The following PLXNA2 variants were observed in gnomAD, a reference collection of about 807,000 sequenced individuals.
PLXNA2 encodes plexin-A2.
PLXNA2 carries 91 observed loss-of-function variants against 193.5 expected under a neutral mutation model. The ratio of observed to expected loss-of-function variants is 0.47; its 90% confidence interval spans 0.40 to 0.56. PLXNA2 has a LOEUF of 0.56. Ranked by LOEUF, PLXNA2 falls within the 20% of genes least tolerant of loss-of-function variation. PLXNA2 has a pLI of 0.00. For synonymous variants in PLXNA2, 997 were observed against 1,027.3 expected (o/e 0.97, Z 0.56); for missense variants, 1,995 against 2,503.2 (o/e 0.80, Z 4.33).
At position 208,155,019 on chromosome 1, in the gene PLXNA2, A is replaced by G. The variant is rs1200960321; in HGVS notation, c.1372-12556T>C. ...AGGAGGAAAATTGGGCTGGGAGGAA[A>G]TTCTTCAGGGGGACATGGGGGAAAT... On this transcript the variant is annotated intron_variant, in intron 3 of 31. Transcript: ENST00000367033. Among the ~76,000 whole-genome samples the G allele has an allele frequency of 1.3e-5, 2 of 152,176 alleles. 1 individual carries two copies. The highest frequency in any genetic ancestry group is 4.8e-5 in the African/African-American group (2 of 41,436).
intron 11 of PLXNA2, among the ~76,000 whole-genome samples, chr1:208,081,178 C>A (rs1240507618): frequency 6.6e-6 from 1 of 152,166 alleles, no homozygotes; most frequent in Non-Finnish European, 1.5e-5. Context: ...GTAATTGTCT[C>A]CTATGTTTTA....
chr1:208,092,064 G>A (rs911028463), intron 9 of PLXNA2, among the ~76,000 whole-genome samples: 9 of 152,184 alleles, frequency 5.9e-5, no homozygotes, highest in African/African-American at 1.9e-4. Flanking sequence ...ACACAAGAAA[G>A]GGAGACTGAG....
chr1:208,032,037 A>G (rs536100935), intron 28 of PLXNA2: 436 of 984,944 alleles, frequency 4.4e-4, no homozygotes, highest in Non-Finnish European at 5.0e-4. Flanking sequence ...TGACAGGAAG[A>G]CAGGAAGTGC....
chr1:208,072,286 C>T (rs538539768), intron 12 of PLXNA2, among the ~76,000 whole-genome samples: 2 of 152,296 alleles, frequency 1.3e-5, no homozygotes, highest in South Asian at 4.1e-4. Context: ...ATTGGAGAAA[C>T]AGCTGTTAAA....
In PLXNA2 at chr1:208,103,248, C is replaced by T; in HGVS notation, c.1507-1G>A. 1 of 1,612,542 alleles carries T rather than the reference C, an allele frequency of 6.2e-7. No homozygotes were observed. Among genetic ancestry groups the T allele is most frequent in the Non-Finnish European group, 8.5e-7 (1 of 1,179,066 alleles). ...ATGACTCCACGGGGACCCTGGTGAC[C>T]TGGCAGAGAGAGCAAAGAGGGTACA... On this transcript the variant is annotated splice_acceptor_variant, in intron 4 of 31. Transcript: ENST00000367033. LOFTEE classifies it high-confidence loss of function.
chr1:208,079,585 C>G, intron 11 of PLXNA2, 135 bp from the exon 12 acceptor site: 1 of 648,456 alleles, frequency 1.5e-6, no homozygotes, highest in Non-Finnish European at 2.6e-6. Context: ...ATTATCATTG[C>G]AAGAATGACT....
chr1:208,160,030 G>A (rs756696429), intron 3 of PLXNA2, among the ~76,000 whole-genome samples: 2 of 152,172 alleles, frequency 1.3e-5, no homozygotes, highest in Non-Finnish European at 1.5e-5. Context: ...GCCCACAGTC[G>A]ACTGTAAGGC....
intron 3 of PLXNA2, among the ~76,000 whole-genome samples, chr1:208,160,480 G>A (rs537817611): frequency 6.6e-6 from 1 of 152,232 alleles, no homozygotes; most frequent in Non-Finnish European, 1.5e-5. Context: ...GGTAGAACAC[G>A]GCAGCCAGAT....
At chr1:208,113,005 CAA>C (rs5780433) in intron 4 of PLXNA2, among the ~76,000 whole-genome samples, 6 of 114,632 alleles carry the variant, frequency 5.2e-5, no homozygotes, top group East Asian at 2.5e-4. Flanking sequence ...GAAGGACCTA[CAA>C]AAAAAAAAAA....
intron 10 of PLXNA2, among the ~76,000 whole-genome samples, chr1:208,083,801 C>T (rs1420241644): frequency 6.7e-6 from 1 of 149,600 alleles, no homozygotes; most frequent in Non-Finnish European, 1.5e-5. Context: ...CTGAAATTCA[C>T]TGCTTCCTCC....
chr1:208,105,976 G>A (rs1008899594), intron 4 of PLXNA2, among the ~76,000 whole-genome samples: 4 of 152,212 alleles, frequency 2.6e-5, no homozygotes, highest in South Asian at 2.1e-4. Context: ...CCACTTTCAC[G>A]CCAAGTGCCA....
At chr1:208,165,794 T>A (rs1334648257) in intron 3 of PLXNA2, among the ~76,000 whole-genome samples, 1 of 152,152 alleles carries the variant, frequency 6.6e-6, no homozygotes, top group African/African-American at 2.4e-5. Context: ...GCCTCAAGCC[T>A]CCGGTGACTT....
Position 208,243,916 on chromosome 1 carries a change from A to T in PLXNA2, c.-354T>A, listed in dbSNP as rs1672146407. 1 of 152,210 alleles carries T rather than the reference A, an allele frequency of 6.6e-6. No homozygotes were observed. Among genetic ancestry groups the T allele is most frequent in the African/African-American group, 2.4e-5 (1 of 41,406 alleles). The allele number at this position is 152,210 out of a possible 1,614,324, so 9.4% of individuals were successfully genotyped here. ...CGGCTGGGCGCTGTCGCCGGCTCTC[A>T]GGGGGCACCCGGAGGCGCCGAGGGG... On this transcript the variant is annotated 5_prime_UTR_variant, in exon 1 of 32. It removes the in-frame stop codon of an upstream open reading frame in the 5' UTR. Coordinates refer to ENST00000367033, the MANE Select transcript of PLXNA2 (RefSeq NM_025179.4).
intron 4 of PLXNA2, among the ~76,000 whole-genome samples, chr1:208,126,268 C>T (rs1056797101): frequency 6.6e-6 from 1 of 152,138 alleles, no homozygotes; most frequent in Non-Finnish European, 1.5e-5. Context: ...AACCTTGACC[C>T]CATGGGGTGG....
Position 208,044,133 on chromosome 1 carries a change from A to G in PLXNA2, c.3874+375T>C, listed in dbSNP as rs1190640999. ...CGCTGCTCCCACGTGCTGCGAAGACAGTGTGCAGAAAAACAAGAGCTGGAC... is the reference window on the plus strand; with the variant it reads ...CGCTGCTCCCACGTGCTGCGAAGACGGTGTGCAGAAAAACAAGAGCTGGAC... On this transcript the variant is annotated intron_variant, in intron 20 of 31. Coordinates refer to ENST00000367033, the MANE Select transcript of PLXNA2 (RefSeq NM_025179.4). The surrounding 1 kb of genome is among the most constrained non-coding windows in gnomAD (Gnocchi z 4.9). Among the ~76,000 whole-genome samples, 1 of 152,220 alleles carries G rather than the reference A, an allele frequency of 6.6e-6. No homozygotes were observed. The highest frequency in any genetic ancestry group is 1.5e-5 in the Non-Finnish European group (1 of 68,046).
intron 3 of PLXNA2, among the ~76,000 whole-genome samples, chr1:208,203,274 TG>T (rs1670609317): frequency 6.6e-6 from 1 of 152,118 alleles, no homozygotes; most frequent in African/African-American, 2.4e-5. Context: ...ACTAGGGATG[TG>T]GTGGTGAGCT....
At chr1:208,226,120 C>T (rs986284529) in intron 1 of PLXNA2, among the ~76,000 whole-genome samples, 2 of 152,174 alleles carry the variant, frequency 1.3e-5, no homozygotes, top group Non-Finnish European at 2.9e-5. Context: ...GCCCAGAGAA[C>T]TCACTTGCTC....
intron 8 of PLXNA2, among the ~76,000 whole-genome samples, chr1:208,093,457 G>A (rs925956348): frequency 3.9e-5 from 6 of 152,168 alleles, no homozygotes; most frequent in Non-Finnish European, 4.4e-5. Flanking sequence ...ATCTTCATCC[G>A]CCTGTAATAA....
At chr1:208,114,837 T>C (rs977129929) in intron 4 of PLXNA2, among the ~76,000 whole-genome samples, 1 of 151,930 alleles carries the variant, frequency 6.6e-6, no homozygotes, top group African/African-American at 2.4e-5. Context: ...TGTGTATGTG[T>C]GTGAAAGAGA....
Sources: gnomAD v4.1 joint callset for allele counts (sites outside exome capture counted in the v4.1 genomes callset) on GRCh38, gnomAD v4.1.1 for gene constraint, Gnocchi (gnomAD v3.1) non-coding constraint, MANE v1.5 for transcripts, NCBI Gene and HGNC (gene_info 2026-07-23, HGNC 2026-07-21) for gene names.